JADE1: variants seen among roughly 807,000 people sequenced by gnomAD.
The protein encoded by JADE1 is jade family PHD finger 1.
In JADE1, 14 loss-of-function variants were observed where a neutral mutation model predicts 81.8. The ratio of observed to expected loss-of-function variants is 0.17; its 90% CI spans 0.11 to 0.27. JADE1 has a LOEUF of 0.27. JADE1 is among the 10% of genes least tolerant of loss of function. JADE1 has a pLI of 1.00. For synonymous variants in JADE1, 353 were observed against 391.9 expected (o/e 0.90, Z 1.17); for missense variants, 690 against 1,047.9 (o/e 0.66, Z 4.71).
intron 7 of JADE1, among the ~76,000 whole-genome samples, chr4:128,856,482 C>T (rs931811069): frequency 1.4e-4 from 22 of 152,254 alleles, no homozygotes; most frequent in Non-Finnish European, 2.8e-4. Context: ...AGCTGTACAT[C>T]CTGTGTGTGG....
At chr4:128,826,524 A>T (rs1728084590) in intron 1 of JADE1, among the ~76,000 whole-genome samples, 1 of 145,042 alleles carries the variant, frequency 6.9e-6, no homozygotes, top group Non-Finnish European at 1.5e-5. Flanking sequence ...CGCCTGGCTA[A>T]TTTTTGTGTT....
chr4:128,844,520 A>C (rs752197023), intron 3 of JADE1, among the ~76,000 whole-genome samples: 2 of 151,600 alleles, frequency 1.3e-5, no homozygotes, highest in Non-Finnish European at 2.9e-5. Context: ...CTTCAGTTTG[A>C]TTTTCTTTCT....
At chr4:128,857,174 G>A (rs1473298837) in intron 7 of JADE1, among the ~76,000 whole-genome samples, 164 bp from the exon 8 acceptor site, 1 of 152,160 alleles carries the variant, frequency 6.6e-6, no homozygotes, top group African/African-American at 2.4e-5. Context: ...TTGTCACTGG[G>A]GCTGTTCTGA....
At chr4:128,852,305 G>C in intron 6 of JADE1, 37 bp downstream of exon 6, 2 of 1,559,420 alleles carry the variant, frequency 1.3e-6, no homozygotes, top group East Asian at 4.5e-5. Flanking sequence ...AAGAAACCTG[G>C]GGCATGAGCC....
At chr4:128,831,681 T>TAACCAA in intron 1 of JADE1, 52 bp from the exon 2 acceptor site, 1 of 1,499,386 alleles carries the variant, frequency 6.7e-7, no homozygotes, top group South Asian at 1.1e-5. Flanking sequence ...AAGCACAACT[T>TAACCAA]GATGATTGTG....
intron 4 of JADE1, among the ~76,000 whole-genome samples, chr4:128,847,513 G>T (rs1729966760): frequency 6.6e-6 from 1 of 152,208 alleles, no homozygotes; most frequent in Non-Finnish European, 1.5e-5. Flanking sequence ...GTCTGGACCT[G>T]TGGAATGGAG....
intron 9 of JADE1, chr4:128,863,522 T>A: frequency 1.0e-6 from 1 of 985,262 alleles, no homozygotes. Flanking sequence ...GCATTAGAGA[T>A]CCTTTTAATA....
intron 2 of JADE1, among the ~76,000 whole-genome samples, chr4:128,841,106 G>C (rs1256572139): frequency 1.3e-5 from 2 of 152,372 alleles, no homozygotes; most frequent in Non-Finnish European, 2.9e-5. Flanking sequence ...AATCTGTAGA[G>C]ATAAGAGCTT....
rs571018051 is a variant in JADE1, at chr4:128,863,581, A to G, written c.1503+1356A>G. ...GTGATGCCCCTTCCCAGACCAGGTT[A>G]GGATTCCTGGGAAGGCCGCGGATTC... On this transcript the variant is annotated intron_variant, in intron 9 of 10. Transcript: ENST00000226319. 2.1e-5 allele frequency: 21 copies of G among 985,446 alleles called. 1 individual carries two copies. The South Asian group carries it at 8.5e-4, about 40-fold the overall frequency. 61.0% of individuals were successfully genotyped at this position (985,446 alleles called of 1,614,324 possible).
At chr4:128,860,281 A>G (rs1389524421) in intron 8 of JADE1, among the ~76,000 whole-genome samples, 2 of 152,080 alleles carry the variant, frequency 1.3e-5, no homozygotes, top group African/African-American at 2.4e-5. Flanking sequence ...GAGAAAATAC[A>G]GATTTATGTC....
intron 8 of JADE1, among the ~76,000 whole-genome samples, chr4:128,858,764 G>T (rs753175346): frequency 6.6e-6 from 1 of 151,902 alleles, no homozygotes; most frequent in Non-Finnish European, 1.5e-5. Context: ...CAGCAAGCCC[G>T]GCTAATTCTC....
chr4:128,812,688 A>G (rs903765943), intron 1 of JADE1, among the ~76,000 whole-genome samples: 7 of 152,218 alleles, frequency 4.6e-5, no homozygotes, highest in Admixed American at 1.3e-4. Context: ...GGCGATTTAA[A>G]CATGCCTTCG....
intron 1 of JADE1, among the ~76,000 whole-genome samples, chr4:128,811,626 G>T (rs1488745666): frequency 1.4e-5 from 1 of 70,808 alleles, no homozygotes; most frequent in Non-Finnish European, 3.2e-5. Context: ...CAGCTGCGCC[G>T]CCCGGGCCGG....
chr4:128,865,772 TGTG>T (rs1560779759), intron 9 of JADE1, among the ~76,000 whole-genome samples: 1 of 152,224 alleles, frequency 6.6e-6, no homozygotes, highest in East Asian at 1.9e-4. Flanking sequence ...GCAGCCATGG[TGTG>T]GTCAAAGCTA....
At position 128,873,207 on chromosome 4, in the gene JADE1, A is replaced by G. The variant is rs1443436682; in HGVS notation, c.*945A>G. On this transcript the variant is annotated 3_prime_UTR_variant, in exon 11 of 11. Transcript: ENST00000226319. ...TTCCCAGAGCCAACCACTAGTGCAT[A>G]TGTTAGGGAATCTGGGCTTCCAACA... The G allele has an allele frequency of 6.9e-6, 1 of 145,478 alleles. No individual in the cohort carries two copies. Among genetic ancestry groups the G allele is most frequent in the Non-Finnish European group, 1.5e-5 (1 of 66,320 alleles). 9.0% of individuals were successfully genotyped at this position (145,478 alleles called of 1,614,324 possible). A position where few individuals can be genotyped will look rare whatever the true frequency, so the allele number is the denominator to read the frequency against.
At position 128,874,731 on chromosome 4, in the gene JADE1, G is replaced by T. The variant is rs898632912; in HGVS notation, c.*2469G>T. On this transcript the variant is annotated 3_prime_UTR_variant, in exon 11 of 11. Transcript: ENST00000226319. ...TATTAGTATGGAACCATTTGCATTT[G>T]TTTTTTTTAAGCTTTATCTTTCCTT... is the stretch of plus-strand genomic sequence containing the variant. 3 of 151,276 alleles carry T rather than the reference G, an allele frequency of 2.0e-5. No homozygotes were observed. The highest frequency in any genetic ancestry group is 7.4e-5 in the African/African-American group (3 of 40,454). 9.4% of individuals were successfully genotyped at this position (151,276 alleles called of 1,614,324 possible).
chr4:128,837,211 A>G (rs1386958401), intron 2 of JADE1, among the ~76,000 whole-genome samples: 2 of 152,178 alleles, frequency 1.3e-5, no homozygotes, highest in Non-Finnish European at 2.9e-5. Context: ...CTTCCCACCT[A>G]TCAGAGCCAG....
intron 10 of JADE1, among the ~76,000 whole-genome samples, chr4:128,869,044 A>G (rs2125902674): frequency 6.6e-6 from 1 of 152,314 alleles, no homozygotes; most frequent in East Asian, 1.9e-4. Context: ...TTGAAATCCA[A>G]ATTCTGGTTT....
chr4:128,857,393 C>T lies in JADE1; in HGVS notation c.920C>T (p.Pro307Leu), dbSNP rs1368841964. 6.2e-7 allele frequency: 1 copy of T among 1,614,028 alleles called. No homozygotes were observed. The highest frequency in any genetic ancestry group is 8.5e-7 in the Non-Finnish European group (1 of 1,180,022). ...CCCATCACCAAGGTGTCACACATTC[C>T]CAGCAGCCGGTGGGCGCTAGTGTGC... ...MEPITKVSHI[P>L]SSRWALVCSL... The change falls in exon 8 of 11, where the codon CCC (proline) becomes CTC (leucine). Residue 307 changes from proline (P) to leucine (L), a missense_variant. Pro to Leu is a moderately conservative substitution (Grantham distance 98). Coordinates refer to ENST00000226319, the MANE Select transcript of JADE1 (RefSeq NM_199320.4).
Sources: allele counts gnomAD v4.1 joint callset (sites outside exome capture counted in the v4.1 genomes callset), GRCh38; gene constraint gnomAD v4.1.1; transcripts MANE v1.5; gene names NCBI Gene and HGNC (gene_info 2026-07-23, HGNC 2026-07-21).